RCAN3: variants seen among roughly 807,000 people sequenced by gnomAD.
The protein encoded by RCAN3 is regulator of calcineurin 3.
RCAN3 carries 19 observed loss-of-function variants against 21.9 expected under a neutral mutation model. The ratio of observed to expected loss-of-function variants is 0.87; its 90% confidence interval spans 0.61 to 1.27. The LOEUF is 1.27. RCAN3 is among the 50% of genes most tolerant of loss of function. RCAN3 has a pLI of 0.00. For missense variants in RCAN3, 240 were observed against 300.1 expected, an observed-to-expected ratio of 0.80 and a Z score of 1.48; for synonymous variants, 114 against 112.3, an observed-to-expected ratio of 1.01 and a Z score of -0.09.
At position 24,525,505 on chromosome 1, in the gene RCAN3, G is replaced by C. The variant is rs1448451588; in HGVS notation, c.196-5713G>C. On this transcript the variant is annotated intron_variant, in intron 2 of 4. Transcript: ENST00000374395. The surrounding 1 kb of genome is among the most constrained non-coding windows in gnomAD (Gnocchi z 4.1). ...CAGAGGGGGATACTAAGTGACTACA[G>C]AAAAAGTTAAGTGGTTAATGATGAT... Among the ~76,000 whole-genome samples the C allele has an allele frequency of 6.6e-6, 1 of 152,150 alleles. No homozygotes were observed. Among genetic ancestry groups the C allele is most frequent in the South Asian group, 2.1e-4 (1 of 4,826 alleles).
At position 24,522,933 on chromosome 1, in the gene RCAN3, T is replaced by C. The variant is rs190529597; in HGVS notation, c.196-8285T>C. On this transcript the variant is annotated intron_variant, in intron 2 of 4. Transcript: ENST00000374395. ...AGATAACCATCATCCTGAACTCAGGTTTCTCATTTTCCACGAAATCTGTAA... is the reference window on the plus strand; with the variant it reads ...AGATAACCATCATCCTGAACTCAGGCTTCTCATTTTCCACGAAATCTGTAA... Among the ~76,000 whole-genome samples, 704 of 152,278 alleles carry C rather than the reference T, an allele frequency of 4.6e-3. 3 individuals are homozygous for C. The highest frequency in any genetic ancestry group is 6.9e-3 in the Non-Finnish European group (468 of 68,012).
intron 2 of RCAN3, among the ~76,000 whole-genome samples, chr1:24,521,146 G>A (rs80214819): frequency 0.025 from 3,796 of 152,232 alleles, 150 homozygotes; most frequent in African/African-American, 0.08. Flanking sequence ...GCCCAGAGAC[G>A]AACCTTTGTA....
At chr1:24,527,093 G>C (rs114034500) in intron 2 of RCAN3, among the ~76,000 whole-genome samples, 2 of 151,960 alleles carry the variant, frequency 1.3e-5, no homozygotes, top group Non-Finnish European at 2.9e-5. Flanking sequence ...GTGCAGTGGC[G>C]TCATTTTGGC....
At chr1:24,532,718 G>C (rs1649868775) in intron 3 of RCAN3, among the ~76,000 whole-genome samples, 1 of 150,900 alleles carries the variant, frequency 6.6e-6, no homozygotes, top group Non-Finnish European at 1.5e-5. Context: ...GGAGGCCAAG[G>C]TGGGCGGATG....
At chr1:24,520,827 T>TATA (rs1236535969) in intron 2 of RCAN3, among the ~76,000 whole-genome samples, 1 of 151,638 alleles carries the variant, frequency 6.6e-6, no homozygotes, top group Non-Finnish European at 1.5e-5. Context: ...AAACTTAAAG[T>TATA]ATAATAATAA....
rs1185160644 is a variant in RCAN3, at chr1:24,536,392, C to T, written c.*1115C>T. ...TTTCTTTTTGTTGAAATTTTGTACC[C>T]GGATTGCAGTTGGCACTTTTCCTAA... On this transcript the variant is annotated 3_prime_UTR_variant, in exon 5 of 5. Transcript: ENST00000374395. 2.0e-5 allele frequency: 3 copies of T among 152,150 alleles called. No individual in the cohort carries two copies. The highest frequency in any genetic ancestry group is 7.2e-5 in the African/African-American group (3 of 41,426). 9.4% of individuals were successfully genotyped at this position (152,150 alleles called of 1,614,324 possible).
At chr1:24,511,439 G>A (rs948111681) in intron 1 of RCAN3, among the ~76,000 whole-genome samples, 5 of 152,128 alleles carry the variant, frequency 3.3e-5, no homozygotes, top group South Asian at 2.1e-4. Context: ...GAACACCCAC[G>A]ACGTGTATTC....
chr1:24,515,926 C>T (rs1356875929), intron 2 of RCAN3, among the ~76,000 whole-genome samples: 3 of 152,112 alleles, frequency 2.0e-5, no homozygotes, highest in Admixed American at 6.5e-5. Flanking sequence ...AGGCAGATCA[C>T]GAGGTCAGGA....
At chr1:24,523,056 A>G (rs1338851422) in intron 2 of RCAN3, among the ~76,000 whole-genome samples, 3 of 151,222 alleles carry the variant, frequency 2.0e-5, no homozygotes, top group Non-Finnish European at 4.4e-5. Context: ...TTCTGTGTGT[A>G]TGTACACACA....
At chr1:24,527,093 G>A (rs114034500) in intron 2 of RCAN3, among the ~76,000 whole-genome samples, 1,676 of 152,070 alleles carry the variant, frequency 0.011, 34 homozygotes, top group African/African-American at 0.036. Flanking sequence ...GTGCAGTGGC[G>A]TCATTTTGGC....
chr1:24,512,534 G>A (rs1422493515), intron 1 of RCAN3, among the ~76,000 whole-genome samples: 1 of 151,998 alleles, frequency 6.6e-6, no homozygotes, highest in Middle Eastern at 3.2e-3. Context: ...ATACAAATGA[G>A]TAAAGATTTT....
chr1:24,507,366 CTA>C (rs1464757876), intron 1 of RCAN3, among the ~76,000 whole-genome samples: 7 of 152,204 alleles, frequency 4.6e-5, no homozygotes, highest in Admixed American at 4.6e-4. Flanking sequence ...CCTTGGGAAG[CTA>C]TCTCTAATCC....
intron 1 of RCAN3, among the ~76,000 whole-genome samples, chr1:24,506,685 A>C (rs1647464457): frequency 6.9e-6 from 1 of 144,568 alleles, no homozygotes; most frequent in African/African-American, 2.8e-5. Flanking sequence ...GTTTGAAGTT[A>C]TATCAAAAAA....
In RCAN3 at chr1:24,538,734, C is replaced by T. The variant is rs1650365502; in HGVS notation, c.*3457C>T. 1 of 151,982 alleles carries T rather than the reference C, an allele frequency of 6.6e-6. No individual in the cohort carries two copies. Among genetic ancestry groups the T allele is most frequent in the African/African-American group, 2.4e-5 (1 of 41,352 alleles). The allele number at this position is 151,982 out of a possible 1,614,324, so 9.4% of individuals were successfully genotyped here. On this transcript the variant is annotated 3_prime_UTR_variant, in exon 5 of 5. Coordinates refer to ENST00000374395, the MANE Select transcript of RCAN3 (RefSeq NM_013441.4). ...CCGGCCTTAAATAAAATATTGTAGT[C>T]ATTAATGGTGTGTTTGAATTGAAGA...
intron 1 of RCAN3, among the ~76,000 whole-genome samples, chr1:24,514,053 C>T (rs1648098082): frequency 6.6e-6 from 1 of 152,088 alleles, no homozygotes; most frequent in Non-Finnish European, 1.5e-5. Flanking sequence ...CCTTTTTTCC[C>T]TAGGTTCACT....
chr1:24,515,427 G>GGTGTGTGTGT (rs67348372), intron 2 of RCAN3, among the ~76,000 whole-genome samples: 1,712 of 146,464 alleles, frequency 0.012, 41 homozygotes, highest in African/African-American at 0.04. Flanking sequence ...TAGAAAGAGA[G>GGTGTGTGTGT]GTGTGTGTGT....
chr1:24,511,636 A>G (rs1456677065), intron 1 of RCAN3, among the ~76,000 whole-genome samples: 1 of 152,248 alleles, frequency 6.6e-6, no homozygotes, highest in Non-Finnish European at 1.5e-5. Flanking sequence ...CACTGATCAC[A>G]GATCACCATA....
chr1:24,529,995 T>C (rs1649615931), intron 2 of RCAN3, among the ~76,000 whole-genome samples: 1 of 116,480 alleles, frequency 8.6e-6, no homozygotes, highest in Non-Finnish European at 1.7e-5. Flanking sequence ...CAAGACCCCA[T>C]CTCAAAAAAA....
At chr1:24,517,808 CAG>C (rs1317280247) in intron 2 of RCAN3, among the ~76,000 whole-genome samples, 2 of 152,022 alleles carry the variant, frequency 1.3e-5, no homozygotes, top group African/African-American at 4.8e-5. Context: ...GCCTGGGCAA[CAG>C]AGTGAGACCT....
Sources: gnomAD v4.1 joint callset for allele counts (sites outside exome capture counted in the v4.1 genomes callset) on GRCh38, gnomAD v4.1.1 for gene constraint, Gnocchi (gnomAD v3.1) non-coding constraint, MANE v1.5 for transcripts, NCBI Gene and HGNC (gene_info 2026-07-23, HGNC 2026-07-21) for gene names.